DENND4C: variants seen among roughly 807,000 people sequenced by gnomAD.
The protein encoded by DENND4C is DENN domain containing 4C.
Under a neutral mutation model 203.0 loss-of-function variants are expected in DENND4C, and 108 were observed. The observed-to-expected ratio is 0.53, with a 90% CI of 0.46 to 0.62. The LOEUF (loss-of-function observed/expected upper bound fraction) is 0.62. Among genes scored for constraint, DENND4C ranks in the 20% least tolerant of loss-of-function variants. The probability of loss-of-function intolerance (pLI) is 0.00; values close to 1 mark genes in which losing one functional copy is unlikely to be tolerated. For missense variants in DENND4C, 2,481 were observed against 2,301.2 expected (o/e 1.08, Z -1.60); for synonymous variants, 871 against 792.4 (o/e 1.10, Z -1.67).
chr9:19,352,636 A>G lies in DENND4C; in HGVS notation c.4752A>G (p.Ile1584Met), dbSNP rs764143570. ...GCAACTTCTTGCCTCTTCTCAATATAGAATTCAAAGATTTGAGAGGTTCTG... is the reference window on the plus strand; with the variant it reads ...GCAACTTCTTGCCTCTTCTCAATATGGAATTCAAAGATTTGAGAGGTTCTG... ...CKSNFLPLLN[I>M]EFKDLRGSAS... The change falls in exon 26 of 33, where the codon ATA (isoleucine) becomes ATG (methionine). Residue 1584 changes from isoleucine to methionine, a missense_variant. Physicochemically the swap from Ile to Met is conservative, Grantham distance 10. This residue lies in a region of DENND4C where 2,289 missense variants were observed against 2,113.3 expected (regional missense o/e 1.08). Transcript: ENST00000434457. The G allele has an allele frequency of 6.2e-7, 1 of 1,609,240 alleles. No individual in the cohort carries two copies. Among genetic ancestry groups the G allele is most frequent in the South Asian group, 1.1e-5 (1 of 90,336 alleles).
intron 16 of DENND4C, among the ~76,000 whole-genome samples, chr9:19,329,688 C>T (rs549679992): frequency 2.0e-5 from 3 of 152,286 alleles, no homozygotes; most frequent in African/African-American, 7.2e-5. Context: ...GTTCCAGTTT[C>T]ACAACATATC....
chr9:19,318,468 T>G (rs865859439), intron 12 of DENND4C, among the ~76,000 whole-genome samples: 1 of 152,230 alleles, frequency 6.6e-6, no homozygotes, highest in Non-Finnish European at 1.5e-5. Context: ...ATATTCATGA[T>G]AACAGCTATT....
intron 1 of DENND4C, among the ~76,000 whole-genome samples, chr9:19,272,779 G>GT (rs1315866936): frequency 6.8e-6 from 1 of 147,510 alleles, no homozygotes; most frequent in South Asian, 2.1e-4. Context: ...TTTTTATTTT[G>GT]TTTTTTGAGA....
At chr9:19,255,088 G>A (rs915687796) in intron 1 of DENND4C, among the ~76,000 whole-genome samples, 5 of 152,168 alleles carry the variant, frequency 3.3e-5, no homozygotes, top group African/African-American at 7.2e-5. Context: ...GGAGGTTGCA[G>A]TGAGCCAAGA....
At chr9:19,347,109 G>A (rs1415679138) in intron 23 of DENND4C, 23 bp downstream of exon 23, 5 of 1,587,166 alleles carry the variant, frequency 3.2e-6, no homozygotes, top group Middle Eastern at 1.7e-4. Flanking sequence ...TATGTGTGTA[G>A]TCTGTCTGCT....
chr9:19,285,105 C>G (rs1834923141), intron 2 of DENND4C, among the ~76,000 whole-genome samples: 1 of 152,046 alleles, frequency 6.6e-6, no homozygotes, highest in Non-Finnish European at 1.5e-5. Flanking sequence ...AAATAACAAT[C>G]CAGTTATCTA....
rs145595726 is a variant in DENND4C, at chr9:19,350,794, G to C, written c.4410G>C (p.Leu1470Phe). Residue 1470 changes from leucine (L) to phenylalanine (F), a missense_variant, in exon 24 of 33, where the codon TTG becomes TTC. Leu to Phe is a conservative substitution (Grantham distance 22). This residue lies in a region of DENND4C where 2,289 missense variants were observed against 2,113.3 expected (regional missense o/e 1.08). Transcript: ENST00000434457. ...CGCCTAACACAAGTATCTCAGGGTT[G>C]GTCCCCAGTGAACTTACCCAGAGCA... ...NISPNTSISG[L>F]VPSELTQSNT... The C allele has an allele frequency of 1.5e-4, 236 of 1,613,856 alleles. No homozygotes were observed. Among genetic ancestry groups the C allele is most frequent in the Non-Finnish European group, 1.9e-4 (227 of 1,179,998 alleles).
rs12380364 is a variant in DENND4C at position 19,287,873 on chromosome 9, C to T, written c.559-723C>T. 6.7e-3 allele frequency among the ~76,000 whole-genome samples: 1,014 copies of T among 152,290 alleles called. 6 individuals carry two copies. Among genetic ancestry groups the T allele is most frequent in the Middle Eastern group, 0.024 (7 of 294 alleles). ...TCAGCCTCCCAGGTAGCTGGGGCTA[C>T]GGGCGTGCGCCACTACGCCCACCTA... On this transcript the variant is annotated intron_variant, in intron 3 of 32. Coordinates refer to ENST00000434457, the MANE Select transcript of DENND4C (RefSeq NM_001330640.2).
rs370713650 is a variant in DENND4C, at chr9:19,320,780, C to T, written c.1808-3582C>T. ...TAAAGTGTTGTTACCCTCACTCATT[C>T]ATTGTAGTTCACCCATCAGCCTTTG... On this transcript the variant is annotated intron_variant, in intron 12 of 32. Transcript: ENST00000434457. 1.5e-3 allele frequency among the ~76,000 whole-genome samples: 234 copies of T among 152,340 alleles called. 13 individuals are homozygous for T. In the South Asian group the frequency reaches 0.047, roughly 31 times the overall value.
chr9:19,308,847 A>G (rs1290194344), intron 10 of DENND4C, among the ~76,000 whole-genome samples: 1 of 152,196 alleles, frequency 6.6e-6, no homozygotes, highest in Non-Finnish European at 1.5e-5. Context: ...ACATTTGTAT[A>G]AATATGTATC....
chr9:19,371,310 C>G (rs1828789847), intron 31 of DENND4C: 1 of 154,698 alleles, frequency 6.5e-6, no homozygotes, highest in South Asian at 2.0e-4. Flanking sequence ...TTGTTTGTGT[C>G]AAGGGTTTTA....
intron 1 of DENND4C, among the ~76,000 whole-genome samples, chr9:19,248,675 C>T (rs139423607): frequency 2.0e-4 from 30 of 152,300 alleles, no homozygotes; most frequent in African/African-American, 6.7e-4. Flanking sequence ...CAGGTGTGTG[C>T]CTCTGCGCCT....
chr9:19,331,379 T>A (rs1217689936), intron 16 of DENND4C, among the ~76,000 whole-genome samples: 1 of 152,004 alleles, frequency 6.6e-6, no homozygotes, highest in Non-Finnish European at 1.5e-5. Flanking sequence ...ATTTTTGTAT[T>A]TTTAGTAGAG....
Position 19,358,700 on chromosome 9 carries a change from T to A in DENND4C, c.5160+540T>A, listed in dbSNP as rs1402862316. Among the ~76,000 whole-genome samples, 2 of 151,798 alleles carry A rather than the reference T, an allele frequency of 1.3e-5. No individual in the cohort carries two copies. Among genetic ancestry groups the A allele is most frequent in the African/African-American group, 2.4e-5 (1 of 41,106 alleles). On this transcript the variant is annotated intron_variant, in intron 28 of 32. Transcript: ENST00000434457. This position sits in a 1 kb window ranked among gnomAD's most constrained non-coding sequence, Gnocchi z 4.8. ...AGTGTATTGCACTTGGTTGATATAG[T>A]TTTTAGTCTTTTTGAATCTGTAGAC...
intron 5 of DENND4C, among the ~76,000 whole-genome samples, 196 bp downstream of exon 5, chr9:19,291,072 G>A (rs1031159227): frequency 4.6e-5 from 7 of 152,150 alleles, no homozygotes; most frequent in Non-Finnish European, 1.0e-4. Context: ...AACTTCTACA[G>A]AAGCAAAGAT....
intron 24 of DENND4C, among the ~76,000 whole-genome samples, chr9:19,351,562 C>T (rs927583470): frequency 1.2e-4 from 19 of 152,086 alleles, no homozygotes; most frequent in Non-Finnish European, 1.5e-4. Flanking sequence ...AATCCTAGCA[C>T]TTCGGGAGGC....
chr9:19,295,709 A>T (rs1837327990), intron 5 of DENND4C, among the ~76,000 whole-genome samples: 1 of 151,752 alleles, frequency 6.6e-6, no homozygotes, highest in Non-Finnish European at 1.5e-5. Context: ...TCCACAAAAA[A>T]CTTAAGTTGA....
intron 1 of DENND4C, among the ~76,000 whole-genome samples, chr9:19,267,527 T>A (rs942825734): frequency 6.6e-6 from 1 of 152,080 alleles, no homozygotes; most frequent in Non-Finnish European, 1.5e-5. Context: ...TTTTAAAAAA[T>A]TTTACTTAAA....
intron 12 of DENND4C, among the ~76,000 whole-genome samples, chr9:19,321,296 G>T (rs1191143016): frequency 6.6e-6 from 1 of 152,274 alleles, no homozygotes; most frequent in South Asian, 2.1e-4. Context: ...GAATAGAAGA[G>T]TGATTTTTTT....
Sources: gnomAD v4.1 joint callset for allele counts (sites outside exome capture counted in the v4.1 genomes callset) on GRCh38, gnomAD v4.1.1 for gene constraint, gnomAD v4.1.1 regional missense constraint, Gnocchi (gnomAD v3.1) non-coding constraint, MANE v1.5 for transcripts, NCBI Gene and HGNC (gene_info 2026-07-23, HGNC 2026-07-21) for gene names.